TULP4: variants seen among roughly 807,000 people sequenced by gnomAD.
The protein encoded by TULP4 is TUB like protein 4.
Under a neutral mutation model 129.0 loss-of-function variants are expected in TULP4, and 16 were observed. The observed-to-expected ratio is 0.12, with a 90% CI of 0.08 to 0.19. TULP4 has a LOEUF of 0.19. Ranked by LOEUF, TULP4 falls within the 10% of genes least tolerant of loss-of-function variation. TULP4 has a pLI of 1.00. For synonymous variants in TULP4, 998 were observed against 854.0 expected (o/e 1.17, Z -2.94); for missense variants, 1,842 against 2,059.1 (o/e 0.89, Z 2.04).
intron 1 of TULP4, among the ~76,000 whole-genome samples, chr6:158,344,437 C>G (rs1780256832): frequency 6.6e-6 from 1 of 152,164 alleles, no homozygotes; most frequent in African/African-American, 2.4e-5. Context: ...TCAAGCAAGT[C>G]TTTCGGTGCC....
chr6:158,448,535 A>T (rs533806204), intron 3 of TULP4, among the ~76,000 whole-genome samples: 1 of 152,350 alleles, frequency 6.6e-6, no homozygotes, highest in African/African-American at 2.4e-5. Flanking sequence ...GTTATATAAC[A>T]TGCTTACATA....
intron 1 of TULP4, among the ~76,000 whole-genome samples, chr6:158,356,862 G>C (rs750139718): frequency 7.3e-5 from 11 of 151,534 alleles, no homozygotes; most frequent in Admixed American, 3.3e-4. Flanking sequence ...AAAGAGGACT[G>C]ACCATGAGTG....
rs930021769 is a variant in TULP4 at position 158,510,758 on chromosome 6, A to G, written c.*4064A>G. 5 of 152,212 alleles carry G rather than the reference A, an allele frequency of 3.3e-5. No homozygotes were observed. Among genetic ancestry groups the G allele is most frequent in the Non-Finnish European group, 5.9e-5 (4 of 68,046 alleles). The allele number at this position is 152,212 out of a possible 1,614,324, so 9.4% of individuals were successfully genotyped here. A position where few individuals can be genotyped will look rare whatever the true frequency, so the allele number is the denominator to read the frequency against. The stretch of plus-strand genomic sequence containing the variant: ...GGATGTCCATGAGAACAGCCATGAA[A>G]TAAGTCACTACTTGTCCCCAAAACC... On this transcript the variant is annotated 3_prime_UTR_variant, in exon 14 of 14. Coordinates refer to ENST00000367097, the MANE Select transcript of TULP4 (RefSeq NM_020245.5).
intron 1 of TULP4, among the ~76,000 whole-genome samples, chr6:158,350,179 C>A (rs1375310283): frequency 1.3e-5 from 2 of 151,706 alleles, no homozygotes; most frequent in Non-Finnish European, 2.9e-5. Context: ...GGCGGCCGGG[C>A]AGAGGCTCTC....
chr6:158,450,133 TG>T (rs1779134443), intron 4 of TULP4, among the ~76,000 whole-genome samples: 1 of 152,220 alleles, frequency 6.6e-6, no homozygotes, highest in African/African-American at 2.4e-5. Flanking sequence ...CCTGCCTAGC[TG>T]TAACCATCTC....
At chr6:158,253,590 T>TTTGTAAACAAAACAAAATTGGACTGTCTG (rs1778185934) in intron 1 of TULP4, among the ~76,000 whole-genome samples, 1 of 151,624 alleles carries the variant, frequency 6.6e-6, no homozygotes, top group African/African-American at 2.4e-5. Flanking sequence ...CACCTGTTAA[T>TTTGTAAACAAAACAAAATTGGACTGTCTG]GTTAGTTGAC....
At chr6:158,287,148 G>T (rs551007043) in intron 1 of TULP4, among the ~76,000 whole-genome samples, 1 of 152,270 alleles carries the variant, frequency 6.6e-6, no homozygotes, top group East Asian at 1.9e-4. Flanking sequence ...AAGAGGAGAG[G>T]CCAACCTGGA....
chr6:158,269,103 T>C (rs262830), intron 1 of TULP4, among the ~76,000 whole-genome samples: 9,777 of 152,270 alleles, frequency 0.064, 380 homozygotes, highest in East Asian at 0.093. Context: ...ATTTATTATT[T>C]TTTTCTAGAA....
upstream of TULP4, chr6:158,310,625 A>G (rs1779329565): frequency 6.6e-6 from 1 of 152,152 alleles, no homozygotes; most frequent in African/African-American, 2.4e-5. Flanking sequence ...GACATTCATG[A>G]GGGACTGCCC....
chr6:158,397,476 A>C (rs1336976398), intron 1 of TULP4, among the ~76,000 whole-genome samples: 1 of 152,182 alleles, frequency 6.6e-6, no homozygotes, highest in Non-Finnish European at 1.5e-5. Context: ...CATGCAGCCC[A>C]ACACAAATTC....
At position 158,413,461 on chromosome 6, in the gene TULP4, T is replaced by C. The variant is rs1778140755; in HGVS notation, c.381+268T>C. Reference sequence around the variant, plus strand: ...ACTTTAATCAGATCTGTGAAGTCATTTTTTACCCTTCAGTGTTGTGATTCC... The same window carrying C: ...ACTTTAATCAGATCTGTGAAGTCATCTTTTACCCTTCAGTGTTGTGATTCC... On this transcript the variant is annotated intron_variant, in intron 2 of 13. Transcript: ENST00000367097. The surrounding 1 kb of genome is among the most constrained non-coding windows in gnomAD (Gnocchi z 4.9). Among the ~76,000 whole-genome samples, 1 of 152,188 alleles carries C rather than the reference T, an allele frequency of 6.6e-6. No individual in the cohort carries two copies. The highest frequency in any genetic ancestry group is 1.5e-5 in the Non-Finnish European group (1 of 68,030).
chr6:158,323,094 T>C (rs1779674433), intron 1 of TULP4, among the ~76,000 whole-genome samples: 1 of 152,224 alleles, frequency 6.6e-6, no homozygotes, highest in Non-Finnish European at 1.5e-5. Flanking sequence ...GTGACTGTAC[T>C]CACCTTGTCA....
intron 1 of TULP4, among the ~76,000 whole-genome samples, chr6:158,319,859 G>A (rs994966162): frequency 1.3e-5 from 2 of 152,196 alleles, no homozygotes; most frequent in African/African-American, 2.4e-5. Flanking sequence ...TAAACATATA[G>A]TAGAGGAATT....
chr6:158,374,486 G>A (rs1422258915), intron 1 of TULP4, among the ~76,000 whole-genome samples: 1 of 152,188 alleles, frequency 6.6e-6, no homozygotes, highest in Non-Finnish European at 1.5e-5. Context: ...GCGCTCTGCC[G>A]GATCAGGGAG....
At chr6:158,406,778 A>G (rs182369727) in intron 1 of TULP4, among the ~76,000 whole-genome samples, 125 of 152,344 alleles carry the variant, frequency 8.2e-4, no homozygotes, top group African/African-American at 2.9e-3. Flanking sequence ...AGGCCTGGCT[A>G]ATAATATAAA....
At position 158,394,786 on chromosome 6, in the gene TULP4, C is replaced by CAAAAAA. The variant is rs71030166; in HGVS notation, c.253-18256_253-18251dup. ...TGGGCAACTGAGCAAGGCTCTGTCTCAAAAAAAAAAAAAAAAAAAAAAAAA... is the reference window on the plus strand; with the variant it reads ...TGGGCAACTGAGCAAGGCTCTGTCTCAAAAAAAAAAAAAAAAAAAAAAAAAAAAAAA... On this transcript the variant is annotated intron_variant, in intron 1 of 13. Coordinates refer to ENST00000367097, the MANE Select transcript of TULP4 (RefSeq NM_020245.5). Among the ~76,000 whole-genome samples, 325 of 46,008 alleles carry CAAAAAA rather than the reference C, an allele frequency of 7.1e-3. 59 individuals carry two copies. Among genetic ancestry groups the CAAAAAA allele is most frequent in the East Asian group, 0.056 (38 of 680 alleles). The allele number at this position is 46,008 out of a possible 152,430, so 30.2% of individuals were successfully genotyped here.
intron 3 of TULP4, among the ~76,000 whole-genome samples, chr6:158,444,336 T>C (rs1778982741): frequency 6.6e-6 from 1 of 150,438 alleles, no homozygotes; most frequent in Admixed American, 6.6e-5. Flanking sequence ...GGCTATTTTT[T>C]CATTTCTCTA....
chr6:158,284,053 C>CAGCA (rs1347281998), intron 1 of TULP4, among the ~76,000 whole-genome samples: 11 of 152,098 alleles, frequency 7.2e-5, no homozygotes, highest in Admixed American at 7.2e-4. Flanking sequence ...GCAAAAGATA[C>CAGCA]AGCAAACATC....
intron 5 of TULP4, 102 bp downstream of exon 5, chr6:158,452,370 G>T: frequency 6.9e-7 from 1 of 1,459,522 alleles, no homozygotes; most frequent in Non-Finnish European, 9.2e-7. Context: ...CCTGTCCTCT[G>T]TGGTGACACC....
Sources: gnomAD v4.1 joint callset for allele counts (sites outside exome capture counted in the v4.1 genomes callset) on GRCh38, gnomAD v4.1.1 for gene constraint, Gnocchi (gnomAD v3.1) non-coding constraint, MANE v1.5 for transcripts, NCBI Gene and HGNC (gene_info 2026-07-23, HGNC 2026-07-21) for gene names.